The following GASK1A variants were observed in gnomAD, a reference collection of about 807,000 sequenced individuals.
GASK1A encodes the protein golgi associated kinase 1A.
Under a neutral mutation model 41.2 loss-of-function variants are expected in GASK1A, and 40 were observed. The observed-to-expected ratio is 0.97, with a 90% CI of 0.75 to 1.27. The LOEUF is 1.27. Ranked by LOEUF, GASK1A falls within the 50% of genes most tolerant of loss-of-function variation. The pLI is 0.00. For missense variants in GASK1A, 678 were observed against 745.1 expected, an observed-to-expected ratio of 0.91 and a Z score of 1.05; for synonymous variants, 316 against 307.1, an observed-to-expected ratio of 1.03 and a Z score of -0.30.
At chr3:43,044,157 A>T (rs686464) in intron 2 of GASK1A, among the ~76,000 whole-genome samples, 2 of 152,006 alleles carry the variant, frequency 1.3e-5, no homozygotes, top group Admixed American at 6.5e-5. Flanking sequence ...GGTTTGGCTG[A>T]CCATGCAGCA....
At chr3:43,009,846 A>G (rs2089454905) in intron 1 of GASK1A, among the ~76,000 whole-genome samples, 1 of 152,202 alleles carries the variant, frequency 6.6e-6, no homozygotes, top group South Asian at 2.1e-4. Context: ...GCAAGGCTAG[A>G]TTTGCCAGAA....
rs1017969061 is a variant in GASK1A, at chr3:42,979,627, G to A, written c.-16G>A. ...GCTGAGCGCGCCGAGGAGCCGGCCGGGGCACCGCCGGGGACATGGTAGGAC... is the reference window on the plus strand; with the variant it reads ...GCTGAGCGCGCCGAGGAGCCGGCCGAGGCACCGCCGGGGACATGGTAGGAC... On this transcript the variant is annotated 5_prime_UTR_variant, in exon 1 of 5. Transcript: ENST00000430121. The A allele has an allele frequency of 2.1e-5, 26 of 1,243,724 alleles. No individual in the cohort carries two copies. Among genetic ancestry groups the A allele is most frequent in the Non-Finnish European group, 2.6e-5 (26 of 987,672 alleles). 77.0% of individuals were successfully genotyped at this position (1,243,724 alleles called of 1,614,324 possible). A position where few individuals can be genotyped will look rare whatever the true frequency, so the allele number is the denominator to read the frequency against.
chr3:43,043,925 C>A (rs1278669585), intron 2 of GASK1A, among the ~76,000 whole-genome samples: 1 of 152,184 alleles, frequency 6.6e-6, no homozygotes, highest in Non-Finnish European at 1.5e-5. Flanking sequence ...GTAGAAAAAA[C>A]CAACCAGACA....
intron 2 of GASK1A, among the ~76,000 whole-genome samples, chr3:43,033,931 A>G (rs1339904936): frequency 3.3e-5 from 5 of 152,238 alleles, no homozygotes; most frequent in Admixed American, 3.3e-4. Flanking sequence ...TCGTGACTAT[A>G]TAATAAATGC....
chr3:43,040,887 A>ACCCCC (rs2089633688), intron 2 of GASK1A, among the ~76,000 whole-genome samples: 4 of 42,314 alleles, frequency 9.5e-5, no homozygotes, highest in Admixed American at 3.4e-4. Context: ...CCCCCCCGCC[A>ACCCCC]CAACAGTCCG....
At chr3:43,046,974 A>T (rs1178283567) in intron 2 of GASK1A, among the ~76,000 whole-genome samples, 3 of 152,354 alleles carry the variant, frequency 2.0e-5, no homozygotes, top group South Asian at 2.1e-4. Context: ...ATTTCAGAGG[A>T]TGTATGGAAA....
chr3:42,990,410 C>T (rs1169141034), intron 1 of GASK1A, among the ~76,000 whole-genome samples: 1 of 151,606 alleles, frequency 6.6e-6, no homozygotes, highest in Non-Finnish European at 1.5e-5. Flanking sequence ...CAACCAGCTT[C>T]TCAGAGTGCT....
intron 1 of GASK1A, among the ~76,000 whole-genome samples, chr3:42,994,423 C>A (rs931387719): frequency 2.6e-5 from 4 of 152,034 alleles, no homozygotes; most frequent in Non-Finnish European, 5.9e-5. Flanking sequence ...CTCTGAAGAC[C>A]AATTTGACTG....
At chr3:42,997,623 G>C (rs2125675917) in intron 1 of GASK1A, among the ~76,000 whole-genome samples, 1 of 152,312 alleles carries the variant, frequency 6.6e-6, no homozygotes, top group Admixed American at 6.5e-5. Context: ...CACAATGGAG[G>C]AGTTCTCCTC....
chr3:43,026,715 G>GA (rs1241294756), intron 1 of GASK1A, among the ~76,000 whole-genome samples: 2 of 152,050 alleles, frequency 1.3e-5, no homozygotes, highest in African/African-American at 4.8e-5. Flanking sequence ...TGAACAAAAT[G>GA]AAATGAAAAT....
At chr3:43,039,645 G>A (rs960136615) in intron 2 of GASK1A, among the ~76,000 whole-genome samples, 8 of 152,144 alleles carry the variant, frequency 5.3e-5, no homozygotes, top group Non-Finnish European at 1.2e-4. Flanking sequence ...GGACTCGATA[G>A]GTAGTTTTTC....
chr3:43,020,032 C>T (rs2089513490), intron 1 of GASK1A, among the ~76,000 whole-genome samples: 1 of 152,090 alleles, frequency 6.6e-6, no homozygotes, highest in Admixed American at 6.5e-5. Context: ...CTGTCTTTGC[C>T]AGCTGGTCCC....
In GASK1A at chr3:43,056,313, A is replaced by G. The variant is rs765932392; in HGVS notation, c.1655A>G (p.Glu552Gly). Reference protein sequence around the residue: ...QGLKQVLQTLEQRGQVLLGHI... With the variant: ...QGLKQVLQTLGQRGQVLLGHI... ...CTGAAGCAGGTCCTCCAGACCCTGG[A>G]GCAGCGAGGACAGGTGCTGCTGGGA... The change falls in exon 5 of 5, where the codon GAG becomes GGG. Residue 552 changes from glutamate (E) to glycine (G), a missense_variant. Physicochemically the swap from Glu to Gly is moderately conservative, Grantham distance 98. Coordinates refer to ENST00000430121, the MANE Select transcript of GASK1A (RefSeq NM_001129908.3). The G allele has an allele frequency of 3.9e-6, 6 of 1,551,654 alleles. No homozygotes were observed. The highest frequency in any genetic ancestry group is 4.4e-6 in the Non-Finnish European group (5 of 1,147,000).
Position 43,033,247 on chromosome 3 carries a change from G to A in GASK1A, c.984G>A (p.Glu328=). 1 of 1,551,730 alleles carries A rather than the reference G, an allele frequency of 6.4e-7. No homozygotes were observed. Among genetic ancestry groups the A allele is most frequent in the Non-Finnish European group, 8.7e-7 (1 of 1,147,006 alleles). ...TCAAGAGGCCTGGGGACCTGCCTGA[G>A]GTCCTGTCCTTCCACGTAGATCGTG... ...GLIKRPGDLP[E]VLSFHVDRVL... The change falls in exon 2 of 5, where the codon GAG becomes GAA. Residue 328 remains glutamate, a synonymous_variant. Transcript: ENST00000430121.
chr3:43,030,114 G>T (rs974902099), intron 1 of GASK1A, among the ~76,000 whole-genome samples: 1 of 152,124 alleles, frequency 6.6e-6, no homozygotes, highest in East Asian at 1.9e-4. Context: ...CTCCTGCCAG[G>T]TTCAAGTGAT....
At chr3:43,053,806 G>T (rs946029535) in intron 3 of GASK1A, 163 bp downstream of exon 3, 2 of 857,000 alleles carry the variant, frequency 2.3e-6, no homozygotes, top group South Asian at 1.4e-5. Flanking sequence ...CCAGGAGTCC[G>T]CAATATATAA....
intron 1 of GASK1A, among the ~76,000 whole-genome samples, chr3:42,981,591 C>G (rs2089283231): frequency 6.6e-6 from 1 of 152,066 alleles, no homozygotes; most frequent in Non-Finnish European, 1.5e-5. Context: ...GCCCCCATCC[C>G]CCAGCCCAAA....
At chr3:43,052,025 C>T (rs952107405) in intron 2 of GASK1A, among the ~76,000 whole-genome samples, 4 of 152,128 alleles carry the variant, frequency 2.6e-5, no homozygotes, top group Non-Finnish European at 5.9e-5. Flanking sequence ...AGTTAGATAC[C>T]TACCAGTCAT....
Position 42,991,497 on chromosome 3 carries a change from ACACT to A in GASK1A, c.3+11856_3+11859del, listed in dbSNP as rs59245055. ...CCCACACACTGGTAATCTTGCATAC[ACACT>A]CACACACCCTCACACACTTGCATAG... is the stretch of plus-strand genomic sequence containing the variant. On this transcript the variant is annotated intron_variant, in intron 1 of 4. Transcript: ENST00000430121. Among the ~76,000 whole-genome samples, 481 of 152,326 alleles carry A rather than the reference ACACT, an allele frequency of 3.2e-3. 1 individual carries two copies. Among genetic ancestry groups the A allele is most frequent in the African/African-American group, 0.011 (439 of 41,572 alleles).
Sources: gnomAD v4.1 joint callset for allele counts (sites outside exome capture counted in the v4.1 genomes callset) on GRCh38, gnomAD v4.1.1 for gene constraint, MANE v1.5 for transcripts, NCBI Gene and HGNC (gene_info 2026-07-23, HGNC 2026-07-21) for gene names.